Variants in SMTNL2 observed in about 807,000 individuals in gnomAD.
The protein encoded by SMTNL2 is smoothelin like 2.
In SMTNL2, 43 loss-of-function variants were observed where a neutral mutation model predicts 44.1. The observed-to-expected ratio is 0.98, with a 90% CI of 0.76 to 1.26. The LOEUF (loss-of-function observed/expected upper bound fraction) is 1.26. SMTNL2 is among the 50% of genes most tolerant of loss of function. The pLI is 0.00. For missense variants in SMTNL2, 646 were observed against 670.2 expected, an observed-to-expected ratio of 0.96 and a Z score of 0.40; for synonymous variants, 317 against 287.6, an observed-to-expected ratio of 1.10 and a Z score of -1.03.
intron 4 of SMTNL2, among the ~76,000 whole-genome samples, chr17:4,594,478 A>AATAC (rs1464720000): frequency 1.3e-5 from 2 of 151,738 alleles, no homozygotes; most frequent in Non-Finnish European, 2.9e-5. Context: ...TAAATAAATA[A>AATAC]ATGAATAAAA....
chr17:4,588,024 C>T (rs73331923), intron 1 of SMTNL2, among the ~76,000 whole-genome samples: 1 of 152,238 alleles, frequency 6.6e-6, no homozygotes, highest in Non-Finnish European at 1.5e-5. Flanking sequence ...GTCAGAGGCC[C>T]GACCATGAAA....
chr17:4,587,674 G>A (rs1909397671), intron 1 of SMTNL2, among the ~76,000 whole-genome samples: 1 of 152,178 alleles, frequency 6.6e-6, no homozygotes, highest in Non-Finnish European at 1.5e-5. Flanking sequence ...TGTAGAGGTT[G>A]GTGTCACACT....
In SMTNL2 at chr17:4,607,629, C is replaced by T; in HGVS notation, c.*142C>T. ...GTTCTGTGGCATGTGACGGCACTCC[C>T]CTTCGAGCCCAGCTGTGTTACTGAT... is the stretch of plus-strand genomic sequence containing the variant. On this transcript the variant is annotated 3_prime_UTR_variant, in exon 8 of 8. Coordinates refer to ENST00000389313, the MANE Select transcript of SMTNL2 (RefSeq NM_001114974.2). The surrounding 1 kb of genome is among the most constrained non-coding windows in gnomAD (Gnocchi z 4.7). The T allele has an allele frequency of 7.6e-7, 1 of 1,313,442 alleles. No individual in the cohort carries two copies. The highest frequency in any genetic ancestry group is 1.0e-6 in the Non-Finnish European group (1 of 963,782). 81.4% of individuals were successfully genotyped at this position (1,313,442 alleles called of 1,614,324 possible).
Position 4,595,456 on chromosome 17 carries a change from A to T in SMTNL2, c.989+129A>T. On this transcript the variant is annotated intron_variant, in intron 5 of 7. Transcript: ENST00000389313. The surrounding 1 kb of genome is among the most constrained non-coding windows in gnomAD (Gnocchi z 5.1). ...CCAGGGCGCTGTTGCCCAGGACAAG[A>T]TCTCTTGGGCAAGGCACAAAGTTAG... 7.5e-7 allele frequency: 1 copy of T among 1,328,230 alleles called. No individual in the cohort carries two copies. The allele number at this position is 1,328,230 out of a possible 1,614,324, so 82.3% of individuals were successfully genotyped here.
intron 7 of SMTNL2, among the ~76,000 whole-genome samples, chr17:4,602,346 G>A (rs1458581815): frequency 1.5e-5 from 2 of 131,940 alleles, no homozygotes; most frequent in South Asian, 2.5e-4. Context: ...TTTTGAGATG[G>A]AGTTTCGTTC....
chr17:4,599,091 G>A (rs117071988), intron 7 of SMTNL2, among the ~76,000 whole-genome samples: 4,000 of 152,290 alleles, frequency 0.026, 84 homozygotes, highest in Non-Finnish European at 0.041. Flanking sequence ...CTCTCTCTCC[G>A]AGGGCAGAAT....
rs1031955449 is a variant in SMTNL2 at position 4,587,269 on chromosome 17, G to T, written c.399+2265G>T. 2.0e-5 allele frequency among the ~76,000 whole-genome samples: 3 copies of T among 152,204 alleles called. No individual in the cohort carries two copies. In the South Asian group the frequency reaches 6.2e-4, roughly 32 times the overall value. On this transcript the variant is annotated intron_variant, in intron 1 of 7. Transcript: ENST00000389313. Reference sequence around the variant, plus strand: ...GGTCCCCAGTTGGGTTAGAGGCTCTGCACCCCTTGAGCCCTGGCTCCCGGG... The same window carrying T: ...GGTCCCCAGTTGGGTTAGAGGCTCTTCACCCCTTGAGCCCTGGCTCCCGGG...
chr17:4,594,473 AAATAAATG>A (rs1476264602), intron 4 of SMTNL2, among the ~76,000 whole-genome samples: 2 of 151,714 alleles, frequency 1.3e-5, no homozygotes, highest in African/African-American at 4.8e-5. Context: ...ATAAATAAAT[AAATAAATG>A]AATAAAAAAC....
In SMTNL2 at chr17:4,595,526, T is replaced by C. The variant is rs1909773681; in HGVS notation, c.989+199T>C. Among the ~76,000 whole-genome samples, 2 of 152,196 alleles carry C rather than the reference T, an allele frequency of 1.3e-5. No individual in the cohort carries two copies. Among genetic ancestry groups the C allele is most frequent in the Non-Finnish European group, 2.9e-5 (2 of 68,032 alleles). ...TTGGGGGGACAGAGGACCCCAGTTG[T>C]TGGGGGAGATGGCTGTGAGGCAGGG... On this transcript the variant is annotated intron_variant, in intron 5 of 7. Coordinates refer to ENST00000389313, the MANE Select transcript of SMTNL2 (RefSeq NM_001114974.2). This position sits in a 1 kb window ranked among gnomAD's most constrained non-coding sequence, Gnocchi z 5.1.
rs935581488 is a variant in SMTNL2 at position 4,607,877 on chromosome 17, T to C, written c.*390T>C. ...ACAGTGATTACCAAGTGTTTTTTTT[T>C]ATCAAAATACCCAGAGTTTTTTACT... is the stretch of plus-strand genomic sequence containing the variant. On this transcript the variant is annotated 3_prime_UTR_variant, in exon 8 of 8. Transcript: ENST00000389313. The surrounding 1 kb of genome is among the most constrained non-coding windows in gnomAD (Gnocchi z 4.7). 6.3e-6 allele frequency: 1 copy of C among 158,796 alleles called. No homozygotes were observed. Among genetic ancestry groups the C allele is most frequent in the African/African-American group, 2.4e-5 (1 of 41,698 alleles). The allele number at this position is 158,796 out of a possible 1,614,324, so 9.8% of individuals were successfully genotyped here. A position where few individuals can be genotyped will look rare whatever the true frequency, so the allele number is the denominator to read the frequency against.
rs549240833 is a variant in SMTNL2, at chr17:4,598,149, C to T, written c.1259+826C>T. Among the ~76,000 whole-genome samples, 18 of 152,306 alleles carry T rather than the reference C, an allele frequency of 1.2e-4. No individual in the cohort carries two copies. Among genetic ancestry groups the T allele is most frequent in the Non-Finnish European group, 2.4e-4 (16 of 68,024 alleles). On this transcript the variant is annotated intron_variant, in intron 7 of 7. Coordinates refer to ENST00000389313, the MANE Select transcript of SMTNL2 (RefSeq NM_001114974.2). The surrounding 1 kb of genome is among the most constrained non-coding windows in gnomAD (Gnocchi z 4.8). ...GCGGAGGACTGTCTGATAAGAGCTGCGCTTTGGGCAAATGGTTGCAGTCAG... is the reference window on the plus strand; with the variant it reads ...GCGGAGGACTGTCTGATAAGAGCTGTGCTTTGGGCAAATGGTTGCAGTCAG...
intron 1 of SMTNL2, among the ~76,000 whole-genome samples, chr17:4,587,739 A>G (rs1341634796): frequency 6.6e-6 from 1 of 152,236 alleles, no homozygotes; most frequent in Non-Finnish European, 1.5e-5. Flanking sequence ...CAAACTGGGG[A>G]CTGAAGGATT....
At position 4,593,815 on chromosome 17, in the gene SMTNL2, T is replaced by C. The variant is rs1909685912; in HGVS notation, c.731-7T>C. 1.9e-6 allele frequency: 3 copies of C among 1,613,294 alleles called. No individual in the cohort carries two copies. The highest frequency in any genetic ancestry group is 2.5e-6 in the Non-Finnish European group (3 of 1,179,912). On this transcript the variant is annotated splice_region_variant and splice_polypyrimidine_tract_variant and intron_variant, in intron 3 of 7. Transcript: ENST00000389313. The stretch of plus-strand genomic sequence containing the variant: ...GTTTGTTACTTCTCTCCCTCTCTCT[T>C]CCACAGAGAAGAATTCCTCTTTCAC...
At chr17:4,599,843 G>A (rs575934722) in intron 7 of SMTNL2, among the ~76,000 whole-genome samples, 40 of 152,328 alleles carry the variant, frequency 2.6e-4, no homozygotes, top group African/African-American at 8.7e-4. Flanking sequence ...AGGCAGCGGC[G>A]GAGGCTGGTC....
rs1474864755 is a variant in SMTNL2, at chr17:4,600,546, G to A, written c.1259+3223G>A. ...TGCACCAGGGACCTTTGGAGTAAAA[G>A]TGGTGTGTGCTGCCCTTCCCCAACC... On this transcript the variant is annotated intron_variant, in intron 7 of 7. Coordinates refer to ENST00000389313, the MANE Select transcript of SMTNL2 (RefSeq NM_001114974.2). This position sits in a 1 kb window ranked among gnomAD's most constrained non-coding sequence, Gnocchi z 4.7. Among the ~76,000 whole-genome samples, 2 of 152,182 alleles carry A rather than the reference G, an allele frequency of 1.3e-5. No homozygotes were observed. Among genetic ancestry groups the A allele is most frequent in the Non-Finnish European group, 2.9e-5 (2 of 68,026 alleles).
intron 1 of SMTNL2, among the ~76,000 whole-genome samples, chr17:4,586,536 GA>G (rs1189264364): frequency 2.7e-5 from 4 of 150,456 alleles, no homozygotes; most frequent in Non-Finnish European, 5.9e-5. Context: ...GAGAGAGAGA[GA>G]GAGGGAATTC....
In SMTNL2 at chr17:4,597,425, G is replaced by A. The variant is rs901727771; in HGVS notation, c.1259+102G>A. The A allele has an allele frequency of 4.6e-6, 7 of 1,512,976 alleles. No homozygotes were observed. In the African/African-American group the frequency reaches 6.9e-5, roughly 15 times the overall value. 93.7% of individuals were successfully genotyped at this position (1,512,976 alleles called of 1,614,324 possible). ...GGGGCGAGTGGGATGTCGGGCCGCTGTCTGCAAAGCTGAAGGACCCTGGGG... is the reference window on the plus strand; with the variant it reads ...GGGGCGAGTGGGATGTCGGGCCGCTATCTGCAAAGCTGAAGGACCCTGGGG... On this transcript the variant is annotated intron_variant, in intron 7 of 7. Transcript: ENST00000389313.
chr17:4,594,246 C>T (rs566617175), intron 4 of SMTNL2, among the ~76,000 whole-genome samples: 5 of 152,162 alleles, frequency 3.3e-5, no homozygotes, highest in Admixed American at 2.6e-4. Context: ...GTCAAGAGTT[C>T]GAGACCAGAC....
chr17:4,588,358 T>C (rs933534534), intron 1 of SMTNL2, among the ~76,000 whole-genome samples: 4 of 152,188 alleles, frequency 2.6e-5, no homozygotes, highest in Admixed American at 1.3e-4. Context: ...TTCCCGTGAG[T>C]GCCTCAGGCC....
Sources: gnomAD v4.1 joint callset for allele counts (sites outside exome capture counted in the v4.1 genomes callset) on GRCh38, gnomAD v4.1.1 for gene constraint, Gnocchi (gnomAD v3.1) non-coding constraint, MANE v1.5 for transcripts, NCBI Gene and HGNC (gene_info 2026-07-23, HGNC 2026-07-21) for gene names.